Variants in RIMS4 observed in about 807,000 individuals in gnomAD.
The protein encoded by RIMS4 is regulating synaptic membrane exocytosis protein 4.
RIMS4 carries 9 observed loss-of-function variants against 29.0 expected under a neutral mutation model. The observed-to-expected ratio is 0.31, with a 90% CI of 0.19 to 0.54. The LOEUF (loss-of-function observed/expected upper bound fraction) is 0.54. Among genes scored for constraint, RIMS4 ranks in the 20% least tolerant of loss-of-function variants. The pLI is 0.94. For missense variants in RIMS4, 193 were observed against 365.7 expected, an observed-to-expected ratio of 0.53 and a Z score of 3.85; for synonymous variants, 130 against 152.9, an observed-to-expected ratio of 0.85 and a Z score of 1.10.
intron 1 of RIMS4, among the ~76,000 whole-genome samples, chr20:44,789,421 T>C (rs914692715): frequency 6.6e-6 from 1 of 152,112 alleles, no homozygotes; most frequent in Non-Finnish European, 1.5e-5. Context: ...CTCCGCCTCC[T>C]GAGTAGCTGG....
chr20:44,792,348 A>C (rs1345979160), intron 1 of RIMS4, among the ~76,000 whole-genome samples: 1 of 151,414 alleles, frequency 6.6e-6, no homozygotes, highest in Non-Finnish European at 1.5e-5. Context: ...GCTGGAGTAC[A>C]GTGGTGTGAT....
At chr20:44,760,958 A>G (rs1213824465) in intron 2 of RIMS4, among the ~76,000 whole-genome samples, 1 of 152,296 alleles carries the variant, frequency 6.6e-6, no homozygotes, top group Middle Eastern at 3.4e-3. Flanking sequence ...AAATAGTGTG[A>G]TCAGTAGCTG....
chr20:44,798,452 T>C (rs1227401782), intron 1 of RIMS4, among the ~76,000 whole-genome samples: 1 of 152,206 alleles, frequency 6.6e-6, no homozygotes, highest in East Asian at 1.9e-4. Context: ...AAACGAGGGT[T>C]GGACACTGCT....
At chr20:44,804,316 C>A (rs2145481052) in intron 1 of RIMS4, among the ~76,000 whole-genome samples, 1 of 152,240 alleles carries the variant, frequency 6.6e-6, no homozygotes, top group Non-Finnish European at 1.5e-5. Flanking sequence ...CCAGATGAGG[C>A]TCAGGAAGGT....
intron 2 of RIMS4, among the ~76,000 whole-genome samples, chr20:44,758,500 C>T (rs1478182248): frequency 6.6e-6 from 1 of 152,234 alleles, no homozygotes; most frequent in African/African-American, 2.4e-5. Context: ...AAAGTGTGAG[C>T]TGCACTGCAA....
rs6017414 is a variant in RIMS4 at position 44,752,534 on chromosome 20, A to G, written c.*3600T>C. On this transcript the variant is annotated 3_prime_UTR_variant, in exon 6 of 6. Transcript: ENST00000372851. ...CCACTAACACAGTGGGACCTCAGGC[A>G]AGCACTTTCCCCTCCCAGGACCTCA... is the stretch of plus-strand genomic sequence containing the variant. 0.14 allele frequency: 20,888 copies of G among 152,442 alleles called. 2,044 individuals carry two copies. The highest frequency in any genetic ancestry group is 0.28 in the African/African-American group (11,487 of 41,508). The allele number at this position is 152,442 out of a possible 1,614,324, so 9.4% of individuals were successfully genotyped here. A position where few individuals can be genotyped will look rare whatever the true frequency, so the allele number is the denominator to read the frequency against.
At chr20:44,778,737 A>G (rs1482498129) in intron 1 of RIMS4, among the ~76,000 whole-genome samples, 1 of 152,184 alleles carries the variant, frequency 6.6e-6, no homozygotes, top group Non-Finnish European at 1.5e-5. Flanking sequence ...CTATTTCTAG[A>G]GCATCTTCAG....
intron 1 of RIMS4, among the ~76,000 whole-genome samples, chr20:44,779,683 A>G (rs1057502375): frequency 1.3e-5 from 2 of 152,160 alleles, no homozygotes; most frequent in Admixed American, 6.5e-5. Context: ...CAGTAATGAG[A>G]TATTACAAAT....
Position 44,756,772 on chromosome 20 carries a change from T to G in RIMS4, c.591+126A>C, listed in dbSNP as rs1433206614. ...GTTCAGCCACAGTGAACTGAGGGCC[T>G]CGCCTGTTTCCTCCAGGCGAGGCCC... is the stretch of plus-strand genomic sequence containing the variant. On this transcript the variant is annotated intron_variant, in intron 5 of 5. Transcript: ENST00000372851. The surrounding 1 kb of genome is among the most constrained non-coding windows in gnomAD (Gnocchi z 5.9). The G allele has an allele frequency of 9.9e-6, 8 of 808,252 alleles. No homozygotes were observed. The highest frequency in any genetic ancestry group is 1.5e-5 in the Non-Finnish European group (8 of 528,856). The allele number at this position is 808,252 out of a possible 1,614,324, so 50.1% of individuals were successfully genotyped here.
intron 2 of RIMS4, among the ~76,000 whole-genome samples, chr20:44,768,100 C>A (rs1374296511): frequency 1.3e-5 from 2 of 152,164 alleles, no homozygotes; most frequent in East Asian, 1.9e-4. Flanking sequence ...CCCACAGGCA[C>A]CCCTTCCCCA....
intron 2 of RIMS4, among the ~76,000 whole-genome samples, chr20:44,762,083 C>T (rs2066087884): frequency 6.6e-6 from 1 of 152,184 alleles, no homozygotes; most frequent in Admixed American, 6.5e-5. Flanking sequence ...CTCAGATCAT[C>T]AGGCATTAGT....
At chr20:44,787,288 T>C (rs190386202) in intron 1 of RIMS4, among the ~76,000 whole-genome samples, 37 of 152,034 alleles carry the variant, frequency 2.4e-4, no homozygotes, top group African/African-American at 6.5e-4. Context: ...TGGCATACAA[T>C]TGATGGAAGA....
chr20:44,765,300 G>C (rs1201831654), intron 2 of RIMS4, among the ~76,000 whole-genome samples: 3 of 152,136 alleles, frequency 2.0e-5, no homozygotes, highest in Non-Finnish European at 4.4e-5. Context: ...AAGCTACGGG[G>C]TCAGGCAGGC....
At chr20:44,774,772 C>T (rs549000712) in intron 1 of RIMS4, among the ~76,000 whole-genome samples, 36 of 152,324 alleles carry the variant, frequency 2.4e-4, no homozygotes, top group African/African-American at 7.7e-4. Flanking sequence ...AGGGGCCGTC[C>T]TTCTCCTGGC....
At chr20:44,788,326 G>T (rs186684779) in intron 1 of RIMS4, among the ~76,000 whole-genome samples, 1 of 152,274 alleles carries the variant, frequency 6.6e-6, no homozygotes, top group Admixed American at 6.5e-5. Context: ...CTACAGTATC[G>T]CACAGTGCAG....
At chr20:44,805,681 G>A (rs1447068414) in intron 1 of RIMS4, among the ~76,000 whole-genome samples, 1 of 152,156 alleles carries the variant, frequency 6.6e-6, no homozygotes, top group Non-Finnish European at 1.5e-5. Context: ...TGAGACAGCA[G>A]GACATTTTGT....
intron 1 of RIMS4, 68 bp downstream of exon 1, chr20:44,810,106 CG>C: frequency 1.5e-6 from 1 of 648,332 alleles, no homozygotes; most frequent in Non-Finnish European, 2.2e-6. Context: ...GCGCACGGGT[CG>C]GGGAGGGGGC....
intron 2 of RIMS4, among the ~76,000 whole-genome samples, chr20:44,763,397 G>A (rs1364550463): frequency 6.6e-6 from 1 of 152,360 alleles, no homozygotes; most frequent in African/African-American, 2.4e-5. Context: ...AGATACCATG[G>A]CCTGCTGGGC....
intron 1 of RIMS4, among the ~76,000 whole-genome samples, chr20:44,787,449 T>C (rs917243607): frequency 5.9e-5 from 9 of 152,174 alleles, no homozygotes; most frequent in African/African-American, 1.4e-4. Flanking sequence ...TCTTATATTA[T>C]ACCCATTTTA....
Sources: allele counts gnomAD v4.1 joint callset (sites outside exome capture counted in the v4.1 genomes callset), GRCh38; gene constraint gnomAD v4.1.1; non-coding constraint Gnocchi (gnomAD v3.1); transcripts MANE v1.5; gene names NCBI Gene and HGNC (gene_info 2026-07-23, HGNC 2026-07-21).